UPP2: variants seen among roughly 807,000 people sequenced by gnomAD.
UPP2 encodes uridine phosphorylase 2.
A neutral mutation model predicts 26.7 loss-of-function variants in UPP2; 23 were observed. The ratio of observed to expected loss-of-function variants is 0.86; its 90% CI spans 0.62 to 1.22. The LOEUF is 1.22. UPP2 is among the 50% of genes most tolerant of loss of function. UPP2 has a pLI of 0.00. For synonymous variants in UPP2, 127 were observed against 141.3 expected (o/e 0.90, Z 0.72); for missense variants, 387 against 396.7 (o/e 0.98, Z 0.21).
intron 2 of UPP2, among the ~76,000 whole-genome samples, chr2:157,997,049 A>T (rs755483591): frequency 6.6e-6 from 1 of 152,220 alleles, no homozygotes; most frequent in East Asian, 1.9e-4. Context: ...TCACTGCAGT[A>T]GCAGATTGCT....
At chr2:158,102,239 G>C in intron 1 of UPP2, 114 bp downstream of exon 1, 1 of 1,096,280 alleles carries the variant, frequency 9.1e-7, no homozygotes, top group Non-Finnish European at 1.3e-6. Flanking sequence ...TAAATGTAGA[G>C]ATTATATCAC....
At position 158,104,967 on chromosome 2, in the gene UPP2, GA is replaced by G. The variant is rs1465256787; in HGVS notation, c.63-1130del. Among the ~76,000 whole-genome samples, 307 of 74,944 alleles carry G rather than the reference GA, an allele frequency of 4.1e-3. 2 individuals carry two copies. Among genetic ancestry groups the G allele is most frequent in the African/African-American group, 0.015 (183 of 12,548 alleles). The allele number at this position is 74,944 out of a possible 152,430, so 49.2% of individuals were successfully genotyped here. ...GAAGGGAAGGGAAGGGAAGGGAAGG[GA>G]AGGGAAGGGAAGAGAAGGGAAGGGA... On this transcript the variant is annotated intron_variant, in intron 1 of 6. Coordinates refer to ENST00000005756, the MANE Select transcript of UPP2 (RefSeq NM_173355.4).
At position 158,123,354 on chromosome 2, in the gene UPP2, CT is replaced by C. The variant is rs34301784; in HGVS notation, c.665-386del. Among the ~76,000 whole-genome samples the C allele has an allele frequency of 6.2e-3, 934 of 150,928 alleles. 6 individuals are homozygous for C. The highest frequency in any genetic ancestry group is 0.028 in the Middle Eastern group (8 of 290). On this transcript the variant is annotated intron_variant, in intron 5 of 6. Coordinates refer to ENST00000005756, the MANE Select transcript of UPP2 (RefSeq NM_173355.4). ...AAGTAGCTTAGCATCATCGAAACCT[CT>C]TTTTTTTTCTCCCAGCACCCATCCC...
intron 3 of UPP2, among the ~76,000 whole-genome samples, chr2:158,043,146 T>G (rs1223915163): frequency 6.6e-6 from 1 of 152,218 alleles, no homozygotes; most frequent in Non-Finnish European, 1.5e-5. Context: ...CTGCTCTCAC[T>G]GGGGCAGCTG....
At chr2:158,069,426 G>A (rs897393983) in intron 3 of UPP2, among the ~76,000 whole-genome samples, 1 of 152,326 alleles carries the variant, frequency 6.6e-6, no homozygotes, top group South Asian at 2.1e-4. Flanking sequence ...CTCCTGCAGT[G>A]TGGGCAGCTT....
chr2:158,105,146 C>G (rs922187728), intron 1 of UPP2, among the ~76,000 whole-genome samples: 2 of 151,852 alleles, frequency 1.3e-5, no homozygotes, highest in Non-Finnish European at 2.9e-5. Flanking sequence ...GGGTAGATAA[C>G]TTTTATCACT....
chr2:158,098,028 TAAAG>T (rs947167265), upstream of UPP2, among the ~76,000 whole-genome samples: 6 of 151,962 alleles, frequency 3.9e-5, no homozygotes, highest in African/African-American at 1.2e-4. Context: ...TGAGGAAAAA[TAAAG>T]ATTTTAGATA....
intron 3 of UPP2, among the ~76,000 whole-genome samples, chr2:158,016,163 C>A (rs1170390061): frequency 2.0e-5 from 3 of 149,428 alleles, no homozygotes; most frequent in African/African-American, 7.4e-5. Flanking sequence ...TTTTAAATTA[C>A]TTTTTCTTGA....
chr2:158,079,479 T>G (rs1213913395), intron 3 of UPP2, among the ~76,000 whole-genome samples: 8 of 151,998 alleles, frequency 5.3e-5, no homozygotes, highest in African/African-American at 1.9e-4. Context: ...GAACTAACAT[T>G]GTTATAAAAT....
At chr2:158,005,552 C>T (rs1683475060) in intron 2 of UPP2, among the ~76,000 whole-genome samples, 1 of 152,274 alleles carries the variant, frequency 6.6e-6, no homozygotes, top group East Asian at 1.9e-4. Context: ...CGAGCTTGAG[C>T]TTAAGGCTCT....
chr2:158,038,248 G>A (rs1684032803), intron 3 of UPP2, among the ~76,000 whole-genome samples: 1 of 152,210 alleles, frequency 6.6e-6, no homozygotes, highest in Non-Finnish European at 1.5e-5. Flanking sequence ...TCTACCAGAT[G>A]TTTTAAATGG....
At chr2:158,022,234 C>A (rs190936748) in intron 3 of UPP2, among the ~76,000 whole-genome samples, 2 of 151,778 alleles carry the variant, frequency 1.3e-5, no homozygotes, top group African/African-American at 4.8e-5. Context: ...CCGAGGCGGG[C>A]GAATCACGAC....
At chr2:158,041,247 A>G (rs976401993) in intron 3 of UPP2, among the ~76,000 whole-genome samples, 2 of 152,224 alleles carry the variant, frequency 1.3e-5, no homozygotes, top group African/African-American at 4.8e-5. Context: ...TAAAAATGAA[A>G]GGTATAAAAT....
At chr2:158,132,279 C>A (rs1378098250) in intron 6 of UPP2, among the ~76,000 whole-genome samples, 2 of 152,198 alleles carry the variant, frequency 1.3e-5, no homozygotes, top group African/African-American at 2.4e-5. Flanking sequence ...GTCAGTCTGA[C>A]CGATGGGTCA....
intron 2 of UPP2, among the ~76,000 whole-genome samples, chr2:158,006,514 A>T (rs1009420659): frequency 3.3e-5 from 5 of 151,780 alleles, no homozygotes; most frequent in Non-Finnish European, 5.9e-5. Context: ...ATAATTCCCA[A>T]TATGAAGCAG....
chr2:158,061,948 C>T (rs528543588), intron 3 of UPP2, among the ~76,000 whole-genome samples: 2 of 152,330 alleles, frequency 1.3e-5, no homozygotes, highest in East Asian at 1.9e-4. Flanking sequence ...TCTATCCCAG[C>T]GACAGGCATG....
At chr2:158,065,520 T>C (rs1682420792) in intron 3 of UPP2, 1 of 436,868 alleles carries the variant, frequency 2.3e-6, no homozygotes, top group Non-Finnish European at 4.4e-6. Flanking sequence ...CATAACCCTA[T>C]TGAGTGTCTT....
chr2:158,024,255 T>G (rs1325151114), intron 3 of UPP2, among the ~76,000 whole-genome samples: 1 of 152,164 alleles, frequency 6.6e-6, no homozygotes, highest in Non-Finnish European at 1.5e-5. Context: ...TGGGAGGTTA[T>G]CTCTTCTCCT....
intron 3 of UPP2, among the ~76,000 whole-genome samples, chr2:158,059,744 G>A (rs987108470): frequency 6.6e-6 from 1 of 152,112 alleles, no homozygotes; most frequent in Non-Finnish European, 1.5e-5. Flanking sequence ...CCCCAATATG[G>A]CTTCCTCCTT....
Sources: allele counts gnomAD v4.1 joint callset (sites outside exome capture counted in the v4.1 genomes callset), GRCh38; gene constraint gnomAD v4.1.1; transcripts MANE v1.5; gene names NCBI Gene and HGNC (gene_info 2026-07-23, HGNC 2026-07-21).